The following FOXP2 variants were observed in gnomAD, a reference collection of about 807,000 sequenced individuals.
FOXP2 encodes forkhead box P2.
A neutral mutation model predicts 115.8 loss-of-function variants in FOXP2; 12 were observed. That is an observed-to-expected ratio of 0.10 (90% CI 0.07 to 0.17). The LOEUF (loss-of-function observed/expected upper bound fraction) is 0.17, where lower values mean the gene tolerates loss of function less well. Ranked by LOEUF, FOXP2 falls within the 10% of genes least tolerant of loss-of-function variation. The pLI is 1.00. For synonymous variants in FOXP2, 328 were observed against 297.7 expected, an observed-to-expected ratio of 1.10 and a Z score of -1.05; for missense variants, 629 against 843.5, an observed-to-expected ratio of 0.75 and a Z score of 3.15.
At position 114,212,122 on chromosome 7, in the gene FOXP2, A is replaced by AATATAT. The variant is rs200853525; in HGVS notation, c.-102+49043_-102+49048dup. On this transcript the variant is annotated intron_variant, in intron 1 of 17. Transcript: ENST00000634411. ...AATAAAATAAAATAAAATAAAATAA[A>AATATAT]ATATATATATATATTCTTTGTTTCC... Among the ~76,000 whole-genome samples, 7 of 131,012 alleles carry AATATAT rather than the reference A, an allele frequency of 5.3e-5. No individual in the cohort carries two copies. The Admixed American group carries it at 5.5e-4, about 10-fold the overall frequency. 85.9% of individuals were successfully genotyped at this position (131,012 alleles called of 152,430 possible).
At chr7:114,111,037 C>G (rs901070528) in intron 1 of FOXP2, among the ~76,000 whole-genome samples, 3 of 152,026 alleles carry the variant, frequency 2.0e-5, no homozygotes, top group Non-Finnish European at 2.9e-5. Context: ...TAAATAATAA[C>G]ATGATTTAAG....
intron 3 of FOXP2, among the ~76,000 whole-genome samples, chr7:114,599,089 C>A (rs1598520): frequency 0.13 from 19,768 of 151,978 alleles, 1,543 homozygotes; most frequent in African/African-American, 0.21. Flanking sequence ...TATTGTACTG[C>A]CTGGGACTTC....
chr7:114,359,246 G>C (rs1408926588), intron 2 of FOXP2, among the ~76,000 whole-genome samples: 1 of 152,212 alleles, frequency 6.6e-6, no homozygotes, highest in African/African-American at 2.4e-5. Flanking sequence ...GCCTGCAAGT[G>C]CACAGAAGTT....
intron 2 of FOXP2, among the ~76,000 whole-genome samples, chr7:114,494,556 T>C (rs1797223684): frequency 6.6e-6 from 1 of 152,150 alleles, no homozygotes; most frequent in Non-Finnish European, 1.5e-5. Context: ...AAAACTAAAG[T>C]AATCTGGACC....
At chr7:114,505,078 C>A (rs1797744890) in intron 2 of FOXP2, among the ~76,000 whole-genome samples, 2 of 151,574 alleles carry the variant, frequency 1.3e-5, no homozygotes, top group Non-Finnish European at 3.0e-5. Flanking sequence ...ATAGTTCTGA[C>A]TTCTCATTTC....
intron 3 of FOXP2, among the ~76,000 whole-genome samples, chr7:114,535,771 C>T (rs1440252617): frequency 6.6e-6 from 1 of 151,590 alleles, no homozygotes; most frequent in Non-Finnish European, 1.5e-5. Flanking sequence ...ACAAAGTCAT[C>T]TGTGGAGGGT....
upstream of FOXP2, among the ~76,000 whole-genome samples, chr7:114,412,006 A>T (rs1793174952): frequency 6.6e-6 from 1 of 152,172 alleles, no homozygotes. Context: ...TGTTTTGAAC[A>T]AACTCAGGTG....
intron 3 of FOXP2, among the ~76,000 whole-genome samples, chr7:114,601,576 T>C (rs998524864): frequency 6.6e-6 from 1 of 152,184 alleles, no homozygotes; most frequent in African/African-American, 2.4e-5. Flanking sequence ...TAGATTCAGA[T>C]GATCAATTTT....
chr7:114,105,870 G>A (rs774752415), intron 1 of FOXP2, among the ~76,000 whole-genome samples: 17 of 152,034 alleles, frequency 1.1e-4, no homozygotes, highest in African/African-American at 3.1e-4. Flanking sequence ...TAAGTGAGTC[G>A]TCTGCCTCTT....
chr7:114,601,805 T>G (rs1429644701), intron 3 of FOXP2, among the ~76,000 whole-genome samples: 1 of 152,068 alleles, frequency 6.6e-6, no homozygotes, highest in Non-Finnish European at 1.5e-5. Flanking sequence ...TTCATAGGGG[T>G]CAAAAAACAT....
intron 1 of FOXP2, among the ~76,000 whole-genome samples, chr7:114,255,689 G>T (rs1237023692): frequency 6.6e-6 from 1 of 152,158 alleles, no homozygotes; most frequent in Non-Finnish European, 1.5e-5. Flanking sequence ...GGTGCCATCT[G>T]TCACAGCTTC....
chr7:114,485,042 C>A (rs1796715732), intron 2 of FOXP2, among the ~76,000 whole-genome samples: 1 of 151,716 alleles, frequency 6.6e-6, no homozygotes, highest in African/African-American at 2.4e-5. Flanking sequence ...TTATGCATAG[C>A]TGAGAATCCT....
intron 3 of FOXP2, among the ~76,000 whole-genome samples, chr7:114,573,648 T>A (rs1434314430): frequency 1.3e-5 from 2 of 151,672 alleles, no homozygotes; most frequent in Non-Finnish European, 3.0e-5. Flanking sequence ...TGATCAGCCT[T>A]CACACACACA....
intron 2 of FOXP2, among the ~76,000 whole-genome samples, chr7:114,382,739 G>C (rs1473097145): frequency 1.3e-5 from 2 of 152,148 alleles, no homozygotes; most frequent in Admixed American, 1.3e-4. Context: ...AATGTCTGCA[G>C]CTAACTGAGT....
chr7:114,508,430 A>C (rs1797924479), intron 2 of FOXP2, among the ~76,000 whole-genome samples: 1 of 152,064 alleles, frequency 6.6e-6, no homozygotes, highest in African/African-American at 2.4e-5. Flanking sequence ...AACTGAAATG[A>C]TCTTTACCTT....
chr7:114,120,311 A>G (rs960854078), intron 1 of FOXP2, among the ~76,000 whole-genome samples: 2 of 152,166 alleles, frequency 1.3e-5, no homozygotes, highest in Admixed American at 6.6e-5. Context: ...AAAGAAATTT[A>G]CTGGATTACT....
At chr7:114,528,172 C>G (rs1202442207) in intron 2 of FOXP2, among the ~76,000 whole-genome samples, 1 of 152,012 alleles carries the variant, frequency 6.6e-6, no homozygotes, top group Non-Finnish European at 1.5e-5. Flanking sequence ...TATCCAAGAT[C>G]AATTATTTTC....
intron 1 of FOXP2, among the ~76,000 whole-genome samples, chr7:114,135,618 A>C (rs1435600203): frequency 6.6e-6 from 1 of 152,148 alleles, no homozygotes; most frequent in African/African-American, 2.4e-5. Context: ...CTTTTTGGTA[A>C]ATATAAATTG....
intron 1 of FOXP2, among the ~76,000 whole-genome samples, chr7:114,133,079 G>A (rs1479268024): frequency 6.6e-6 from 1 of 152,176 alleles, no homozygotes; most frequent in Non-Finnish European, 1.5e-5. Flanking sequence ...AACAAGAGTA[G>A]TAATAGTAAT....
Sources: gnomAD v4.1 joint callset for allele counts (sites outside exome capture counted in the v4.1 genomes callset) on GRCh38, gnomAD v4.1.1 for gene constraint, MANE v1.5 for transcripts, NCBI Gene and HGNC (gene_info 2026-07-23, HGNC 2026-07-21) for gene names.